PPP1R12B: variants seen among roughly 807,000 people sequenced by gnomAD.
PPP1R12B encodes myosin phosphatase target subunit 2.
PPP1R12B carries 76 observed loss-of-function variants against 126.1 expected under a neutral mutation model. The ratio of observed to expected loss-of-function variants is 0.60; its 90% CI spans 0.50 to 0.73. The LOEUF is 0.73. Ranked by LOEUF, PPP1R12B falls within the 30% of genes least tolerant of loss-of-function variation. The pLI is 0.00. For synonymous variants in PPP1R12B, 356 were observed against 434.7 expected (o/e 0.82, Z 2.25); for missense variants, 1,052 against 1,205.1 (o/e 0.87, Z 1.88).
intron 13 of PPP1R12B, among the ~76,000 whole-genome samples, chr1:202,484,030 G>A (rs1038059130): frequency 6.6e-6 from 1 of 152,134 alleles, no homozygotes; most frequent in African/African-American, 2.4e-5. Context: ...GTTTTAGGCA[G>A]TATATAGTTG....
chr1:202,428,784 T>A, intron 5 of PPP1R12B, 71 bp from the exon 6 acceptor site: 9 of 1,432,378 alleles, frequency 6.3e-6, no homozygotes, highest in Non-Finnish European at 8.7e-6. Context: ...TTTGAATAGT[T>A]CCCTACTAAT....
At chr1:202,515,870 A>G (rs532817860) in intron 18 of PPP1R12B, among the ~76,000 whole-genome samples, 1 of 152,288 alleles carries the variant, frequency 6.6e-6, no homozygotes, top group Admixed American at 6.5e-5. Flanking sequence ...GTGTTGGTAT[A>G]TCCGATTGAC....
chr1:202,495,306 G>A lies in PPP1R12B; in HGVS notation c.2159G>A (p.Arg720His), dbSNP rs1679407348. The change falls in exon 16 of 24, where the codon CGC becomes CAC. Residue 720 changes from arginine to histidine, a missense_variant. By Grantham distance (29) the Arg-to-His change is conservative (BLOSUM62 0). Transcript: ENST00000608999. ...RSLDEEPICH[R>H]LRCPAQPDKP... is the part of the protein sequence containing the mutation. ...GATTATTTCCAGCCTATCTGTCATC[G>A]CCTGAGGTGCCCAGCTCAGCCAGAC... 10 of 1,564,526 alleles carry A rather than the reference G, an allele frequency of 6.4e-6. No individual in the cohort carries two copies. The highest frequency in any genetic ancestry group is 1.9e-5 in the Admixed American group (1 of 51,836).
chr1:202,416,061 T>C (rs1453755952), intron 1 of PPP1R12B, among the ~76,000 whole-genome samples: 2 of 152,214 alleles, frequency 1.3e-5, no homozygotes, highest in Non-Finnish European at 2.9e-5. Flanking sequence ...CTTTTAAAAT[T>C]AATAAGCATC....
Position 202,439,412 on chromosome 1 carries a change from C to T in PPP1R12B, c.1459-1294C>T, listed in dbSNP as rs950668581. 1.1e-4 allele frequency: 135 copies of T among 1,244,886 alleles called. 3 individuals carry two copies. The Admixed American group carries it at 1.1e-3, about 10-fold the overall frequency. The allele number at this position is 1,244,886 out of a possible 1,614,324, so 77.1% of individuals were successfully genotyped here. On this transcript the variant is annotated intron_variant, in intron 10 of 23. Coordinates refer to ENST00000608999, the MANE Select transcript of PPP1R12B (RefSeq NM_002481.4). The stretch of plus-strand genomic sequence containing the variant: ...ACGCGGCACAGCGGAGCACGGAGAC[C>T]GCCCTGTACTGGAAAATGCTGGGCG...
chr1:202,446,256 A>ATATATATATATATTTTTT (rs376183502), intron 12 of PPP1R12B, among the ~76,000 whole-genome samples: 2 of 54,340 alleles, frequency 3.7e-5, no homozygotes, highest in Non-Finnish European at 3.2e-5. Context: ...ATATATATAT[A>ATATATATATATATTTTTT]TTTTTTTTTT....
At chr1:202,360,261 T>G (rs1558127462) in intron 1 of PPP1R12B, among the ~76,000 whole-genome samples, 1 of 152,212 alleles carries the variant, frequency 6.6e-6, no homozygotes, top group Non-Finnish European at 1.5e-5. Context: ...CTTTGTGATT[T>G]AGTGGCCATT....
intron 2 of PPP1R12B, among the ~76,000 whole-genome samples, chr1:202,421,605 A>C (rs1339985481): frequency 1.3e-5 from 2 of 150,920 alleles, no homozygotes; most frequent in South Asian, 4.2e-4. Context: ...GCACCATTGC[A>C]CTCCAGCCTG....
chr1:202,496,728 C>G lies in PPP1R12B; in HGVS notation c.2449-53C>G, dbSNP rs377162660. The G allele has an allele frequency of 2.0e-6, 3 of 1,529,540 alleles. No homozygotes were observed. In the East Asian group the frequency reaches 6.8e-5, roughly 34 times the overall value. 94.7% of individuals were successfully genotyped at this position (1,529,540 alleles called of 1,614,324 possible). On this transcript the variant is annotated intron_variant, in intron 17 of 23. Coordinates refer to ENST00000608999, the MANE Select transcript of PPP1R12B (RefSeq NM_002481.4). ...TGATGGGATCTGACCTTGTTGCTTT[C>G]AAGGATGTCTGTGACAATGAGCCTC...
chr1:202,548,802 C>CTATA (rs1351587055), intron 18 of PPP1R12B, among the ~76,000 whole-genome samples: 262 of 95,320 alleles, frequency 2.7e-3, no homozygotes, highest in Admixed American at 4.4e-3. Flanking sequence ...CTCTCTCTCT[C>CTATA]TCTCTCTATA....
chr1:202,363,418 T>C (rs540453645), intron 1 of PPP1R12B, among the ~76,000 whole-genome samples: 31 of 152,360 alleles, frequency 2.0e-4, no homozygotes, highest in African/African-American at 6.7e-4. Context: ...CATTTACCTT[T>C]GTATGTTTTA....
chr1:202,377,303 G>A (rs552027134), intron 1 of PPP1R12B, among the ~76,000 whole-genome samples: 2 of 151,940 alleles, frequency 1.3e-5, no homozygotes, highest in East Asian at 1.9e-4. Flanking sequence ...GAGTAGTAAT[G>A]TGAGAAGGGT....
At chr1:202,542,920 G>A (rs1451523457) in intron 18 of PPP1R12B, among the ~76,000 whole-genome samples, 1 of 152,152 alleles carries the variant, frequency 6.6e-6, no homozygotes. Context: ...AGATGGCACA[G>A]AGTTACAGAG....
chr1:202,530,189 A>G (rs1683784308), intron 18 of PPP1R12B, among the ~76,000 whole-genome samples: 1 of 151,764 alleles, frequency 6.6e-6, no homozygotes, highest in Non-Finnish European at 1.5e-5. Flanking sequence ...GTAATTCTTC[A>G]CTATGTGGGT....
chr1:202,441,752 G>A lies in PPP1R12B; in HGVS notation c.1542-695G>A, dbSNP rs1572041714. Among the ~76,000 whole-genome samples the A allele has an allele frequency of 1.3e-5, 2 of 151,938 alleles. 1 individual carries two copies. Among genetic ancestry groups the A allele is most frequent in the Admixed American group, 1.3e-4 (2 of 15,268 alleles). Reference sequence around the variant, plus strand: ...ACTTCTTTCCCTTTCCCCTTCTGTAGTAACTTTTTTTCTCGGTAACAGACT... The same window carrying A: ...ACTTCTTTCCCTTTCCCCTTCTGTAATAACTTTTTTTCTCGGTAACAGACT... On this transcript the variant is annotated intron_variant, in intron 11 of 23. Transcript: ENST00000608999.
At chr1:202,570,566 T>C (rs1015172191) in intron 23 of PPP1R12B, among the ~76,000 whole-genome samples, 3 of 152,258 alleles carry the variant, frequency 2.0e-5, no homozygotes, top group Non-Finnish European at 4.4e-5. Context: ...TTGATTCTCA[T>C]GAGATGGTAG....
intron 13 of PPP1R12B, among the ~76,000 whole-genome samples, chr1:202,481,168 C>T (rs1053321166): frequency 6.6e-6 from 1 of 152,298 alleles, no homozygotes; most frequent in East Asian, 1.9e-4. Context: ...CATCAATGCT[C>T]ACTTGCTCAC....
At chr1:202,351,737 TTC>T (rs1244673860) in intron 1 of PPP1R12B, among the ~76,000 whole-genome samples, 7 of 152,350 alleles carry the variant, frequency 4.6e-5, no homozygotes, top group Middle Eastern at 3.4e-3. Flanking sequence ...ATTGCTTCTT[TTC>T]TCTCTTTTGG....
chr1:202,429,799 G>A lies in PPP1R12B; in HGVS notation c.921+870G>A, dbSNP rs117120380. Among the ~76,000 whole-genome samples the A allele has an allele frequency of 6.0e-4, 92 of 152,286 alleles. No homozygotes were observed. In the South Asian group the frequency reaches 0.011, roughly 18 times the overall value. ...TTTAGGACAAATGTGGAAAACAGCAGTTCTGAATCAAAGAACTATATAGCT... is the reference window on the plus strand; with the variant it reads ...TTTAGGACAAATGTGGAAAACAGCAATTCTGAATCAAAGAACTATATAGCT... On this transcript the variant is annotated intron_variant, in intron 6 of 23. Transcript: ENST00000608999.
Sources: allele counts gnomAD v4.1 joint callset (sites outside exome capture counted in the v4.1 genomes callset), GRCh38; gene constraint gnomAD v4.1.1; transcripts MANE v1.5; gene names NCBI Gene and HGNC (gene_info 2026-07-23, HGNC 2026-07-21).